The following HSDL1 variants were observed in gnomAD, a reference collection of about 807,000 sequenced individuals.
HSDL1 encodes the protein inactive hydroxysteroid dehydrogenase-like protein 1.
A neutral mutation model predicts 31.5 loss-of-function variants in HSDL1; 29 were observed. The ratio of observed to expected loss-of-function variants is 0.92; its 90% confidence interval spans 0.69 to 1.26. The LOEUF is 1.26. Ranked by LOEUF, HSDL1 falls within the 50% of genes most tolerant of loss-of-function variation. The pLI, the probability that HSDL1 is intolerant of heterozygous loss-of-function variation, is 0.00. For synonymous variants in HSDL1, 222 were observed against 155.2 expected, an observed-to-expected ratio of 1.43 and a Z score of -3.20; for missense variants, 503 against 416.6, an observed-to-expected ratio of 1.21 and a Z score of -1.81.
In HSDL1 at chr16:84,131,295, G is replaced by C. The variant is rs764689061; in HGVS notation, c.27C>G (p.Leu9=). 2.5e-6 allele frequency: 4 copies of C among 1,613,982 alleles called. No homozygotes were observed. Among genetic ancestry groups the C allele is most frequent in the Non-Finnish European group, 3.4e-6 (4 of 1,179,988 alleles). The change falls in exon 3 of 6, where the codon CTC becomes CTG. Residue 9 remains leucine, a synonymous_variant. Transcript: ENST00000219439. MAAVDSFY[L]LYREIARSCN... ...AAGACCTGGCGATTTCCCTGTACAAGAGGTAGAAACTGTCAACAGCAGCCA... is the reference window on the plus strand; with the variant it reads ...AAGACCTGGCGATTTCCCTGTACAACAGGTAGAAACTGTCAACAGCAGCCA...
chr16:84,144,245 A>T (rs1003579539), intron 1 of HSDL1: 1 of 152,104 alleles, frequency 6.6e-6, no homozygotes, highest in African/African-American at 2.4e-5. Context: ...AGTCTTATAG[A>T]TGTAAAGTCG....
intron 5 of HSDL1, among the ~76,000 whole-genome samples, chr16:84,128,852 C>A (rs894340318): frequency 1.3e-5 from 2 of 151,942 alleles, no homozygotes; most frequent in African/African-American, 2.4e-5. Flanking sequence ...GGACTACAGG[C>A]ACACACCACT....
At chr16:84,130,722 A>G (rs2086655562) in intron 3 of HSDL1, among the ~76,000 whole-genome samples, 1 of 152,240 alleles carries the variant, frequency 6.6e-6, no homozygotes, top group African/African-American at 2.4e-5. Flanking sequence ...GGCTTGAATG[A>G]GTGGCAGGAG....
At chr16:84,142,061 G>A (rs2086773943) in intron 1 of HSDL1, among the ~76,000 whole-genome samples, 1 of 152,102 alleles carries the variant, frequency 6.6e-6, no homozygotes, top group Admixed American at 6.5e-5. Flanking sequence ...TCAAGTAGCT[G>A]GGACACAGGC....
At chr16:84,137,255 T>C (rs1237116783) in intron 1 of HSDL1, among the ~76,000 whole-genome samples, 1 of 152,206 alleles carries the variant, frequency 6.6e-6, no homozygotes, top group Non-Finnish European at 1.5e-5. Context: ...GGGACCTCCC[T>C]GGCCCGGGCC....
intron 1 of HSDL1, among the ~76,000 whole-genome samples, 173 bp downstream of exon 1, chr16:84,144,907 G>C (rs1241880745): frequency 1.4e-5 from 2 of 147,728 alleles, no homozygotes; most frequent in Non-Finnish European, 3.1e-5. Context: ...CCTGGGGTCA[G>C]GGGCGCCAAG....
At chr16:84,131,018 A>T in intron 3 of HSDL1, 84 bp downstream of exon 3, 1 of 1,111,984 alleles carries the variant, frequency 9.0e-7, no homozygotes. Context: ...TGTTCCCATA[A>T]AAACACCACA....
chr16:84,135,465 T>C (rs1050701543), intron 2 of HSDL1, 79 bp downstream of exon 2: 7 of 151,852 alleles, frequency 4.6e-5, no homozygotes, highest in Non-Finnish European at 7.4e-5. Context: ...TTGAAGTAAA[T>C]GTCTAGCAAA....
At position 84,131,316 on chromosome 16, in the gene HSDL1, A is replaced by C; in HGVS notation, c.6T>G (p.Ala2=). 1 of 1,612,642 alleles carries C rather than the reference A, an allele frequency of 6.2e-7. No individual in the cohort carries two copies. The highest frequency in any genetic ancestry group is 1.1e-5 in the South Asian group (1 of 91,034). M[A]AVDSFYLLYR... ...ACAAGAGGTAGAAACTGTCAACAGCAGCCATGGCAACCTGCAGGGAGAGGG... is the reference window on the plus strand; with the variant it reads ...ACAAGAGGTAGAAACTGTCAACAGCCGCCATGGCAACCTGCAGGGAGAGGG... Residue 2 remains alanine (A), a synonymous_variant, in exon 3 of 6, where the codon GCT becomes GCG. Coordinates refer to ENST00000219439, the MANE Select transcript of HSDL1 (RefSeq NM_031463.5).
chr16:84,122,410 T>C lies in HSDL1; in HGVS notation c.*2220A>G, dbSNP rs1597368711. Reference sequence around the variant, plus strand: ...GTCTCGCTCTGTCTCAAGGCTGGAGTGCAGTGGCACGATCTTGGCTCACTT... The same window carrying C: ...GTCTCGCTCTGTCTCAAGGCTGGAGCGCAGTGGCACGATCTTGGCTCACTT... On this transcript the variant is annotated 3_prime_UTR_variant, in exon 6 of 6. Transcript: ENST00000219439. The C allele has an allele frequency of 1.3e-5, 2 of 151,644 alleles. No individual in the cohort carries two copies. Among genetic ancestry groups the C allele is most frequent in the Admixed American group, 6.6e-5 (1 of 15,140 alleles). 9.4% of individuals were successfully genotyped at this position (151,644 alleles called of 1,614,324 possible). A position where few individuals can be genotyped will look rare whatever the true frequency, so the allele number is the denominator to read the frequency against.
At chr16:84,127,902 A>G (rs1329469490) in intron 5 of HSDL1, among the ~76,000 whole-genome samples, 5 of 150,908 alleles carry the variant, frequency 3.3e-5, no homozygotes, top group South Asian at 2.1e-4. Flanking sequence ...TGTATTTTTA[A>G]TAGAGACGGG....
In HSDL1 at chr16:84,125,570, AC is replaced by A. The variant is rs149223392; in HGVS notation, c.895-843del. On this transcript the variant is annotated intron_variant, in intron 5 of 5. Coordinates refer to ENST00000219439, the MANE Select transcript of HSDL1 (RefSeq NM_031463.5). ...TACCCACCAATCAATCACAACAAAT[AC>A]CCACCAGTCACAACAAATACCCACC... Among the ~76,000 whole-genome samples, 1,102 of 152,282 alleles carry A rather than the reference AC, an allele frequency of 7.2e-3. 19 individuals carry two copies. Among genetic ancestry groups the A allele is most frequent in the African/African-American group, 0.025 (1,045 of 41,548 alleles).
chr16:84,143,957 G>T (rs1375890878), intron 1 of HSDL1, among the ~76,000 whole-genome samples: 1 of 152,078 alleles, frequency 6.6e-6, no homozygotes, highest in African/African-American at 2.4e-5. Flanking sequence ...AGAGGTAGCA[G>T]GAGCTGAGAT....
intron 2 of HSDL1, among the ~76,000 whole-genome samples, chr16:84,134,268 T>C (rs186688174): frequency 6.6e-6 from 1 of 152,112 alleles, no homozygotes; most frequent in East Asian, 1.9e-4. Context: ...CCTTGAACAG[T>C]CATAAGTACT....
chr16:84,135,927 C>T (rs532710012), intron 1 of HSDL1, among the ~76,000 whole-genome samples: 2 of 152,244 alleles, frequency 1.3e-5, no homozygotes, highest in Non-Finnish European at 2.9e-5. Flanking sequence ...ATCCCAGGAG[C>T]CCTTGGGGAA....
At chr16:84,133,978 G>T (rs1205517333) in intron 2 of HSDL1, among the ~76,000 whole-genome samples, 1 of 152,166 alleles carries the variant, frequency 6.6e-6, no homozygotes, top group Non-Finnish European at 1.5e-5. Context: ...TGGCTGAGAT[G>T]ACCTAAAATA....
chr16:84,127,716 ATT>A (rs758790146), intron 5 of HSDL1, among the ~76,000 whole-genome samples: 12 of 124,686 alleles, frequency 9.6e-5, no homozygotes, highest in Admixed American at 8.0e-5. Context: ...TCACACTGGT[ATT>A]TTTTTTTTTT....
chr16:84,129,526 G>A (rs771663046), intron 5 of HSDL1, 22 bp downstream of exon 5: 9 of 1,529,566 alleles, frequency 5.9e-6, no homozygotes, highest in Non-Finnish European at 8.2e-6. Flanking sequence ...ATCTAATTAT[G>A]AGACCTGAAG....
Position 84,124,685 on chromosome 16 carries a change from C to G in HSDL1, c.938G>C (p.Gly313Ala), listed in dbSNP as rs758540558. 6.2e-7 allele frequency: 1 copy of G among 1,613,652 alleles called. No homozygotes were observed. The highest frequency in any genetic ancestry group is 1.3e-5 in the African/African-American group (1 of 74,872). The change falls in exon 6 of 6, where the codon GGA becomes GCA. Residue 313 changes from glycine (G) to alanine (A), a missense_variant. By Grantham distance (60) the Gly-to-Ala change is moderately conservative. Coordinates refer to ENST00000219439, the MANE Select transcript of HSDL1 (RefSeq NM_031463.5). ...TAGTGAACGGTTGAGAATATTTGCTCCCCACACCCAGAGCCATTCAGGCAT... is the reference window on the plus strand; with the variant it reads ...TAGTGAACGGTTGAGAATATTTGCTGCCCACACCCAGAGCCATTCAGGCAT... ...QYMPEWLWVW[G>A]ANILNRSLRK...
Sources: allele counts gnomAD v4.1 joint callset (sites outside exome capture counted in the v4.1 genomes callset), GRCh38; gene constraint gnomAD v4.1.1; transcripts MANE v1.5; gene names NCBI Gene and HGNC (gene_info 2026-07-23, HGNC 2026-07-21).